Variants in DSG1 observed in about 807,000 individuals in gnomAD.
DSG1 encodes the protein desmoglein-1.
Under a neutral mutation model 97.5 loss-of-function variants are expected in DSG1, and 39 were observed. The observed-to-expected ratio is 0.40, with a 90% CI of 0.31 to 0.52. DSG1 has a LOEUF of 0.52. Among genes scored for constraint, DSG1 ranks in the 20% least tolerant of loss-of-function variants. The probability of loss-of-function intolerance (pLI) is 0.53; values close to 1 mark genes in which losing one functional copy is unlikely to be tolerated. For missense variants in DSG1, 1,311 were observed against 1,295.4 expected, an observed-to-expected ratio of 1.01 and a Z score of -0.18; for synonymous variants, 475 against 443.4, an observed-to-expected ratio of 1.07 and a Z score of -0.90.
At chr18:31,329,524 T>G (rs1271004822) in intron 4 of DSG1, among the ~76,000 whole-genome samples, 1 of 152,124 alleles carries the variant, frequency 6.6e-6, no homozygotes, top group Non-Finnish European at 1.5e-5. Context: ...CATAATGCAT[T>G]TTTTTACGTC....
Position 31,318,266 on chromosome 18 carries a change from T to C in DSG1, c.-35T>C. 6.3e-7 allele frequency: 1 copy of C among 1,590,956 alleles called. No individual in the cohort carries two copies. ...AAGAACAGAGAAGAACAAACAAAAC[T>C]CCCTTGGTCTTGGATGTAAGAGAAT... is the stretch of plus-strand genomic sequence containing the variant. On this transcript the variant is annotated 5_prime_UTR_variant, in exon 1 of 15. Coordinates refer to ENST00000257192, the MANE Select transcript of DSG1 (RefSeq NM_001942.4).
In DSG1 at chr18:31,355,318, A is replaced by C. The variant is rs961320258; in HGVS notation, c.3122A>C (p.Lys1041Thr). Residue 1041 changes from lysine (K) to threonine (T), a missense_variant, in exon 15 of 15, where the codon AAG becomes ACG. Transcript: ENST00000257192. ...AGCACAGCTCGAAGTCGAATCACAAAGTATAGTACCGTGCAATATAGCAAG... is the reference window on the plus strand; with the variant it reads ...AGCACAGCTCGAAGTCGAATCACAACGTATAGTACCGTGCAATATAGCAAG... ...SPSTARSRIT[K>T]YSTVQYSK 30 of 1,614,154 alleles carry C rather than the reference A, an allele frequency of 1.9e-5. No homozygotes were observed. The highest frequency in any genetic ancestry group is 2.5e-5 in the Non-Finnish European group (30 of 1,180,006).
chr18:31,351,067 T>C lies in DSG1; in HGVS notation c.2101-3230T>C, dbSNP rs1178081480. 1.3e-5 allele frequency among the ~76,000 whole-genome samples: 2 copies of C among 149,344 alleles called. 1 individual carries two copies. The highest frequency in any genetic ancestry group is 5.1e-5 in the African/African-American group (2 of 38,846). On this transcript the variant is annotated intron_variant, in intron 14 of 14. Coordinates refer to ENST00000257192, the MANE Select transcript of DSG1 (RefSeq NM_001942.4). ...TTCTTTTAATTGTGATGTTAGGGTG[T>C]CAATTTGGGATCTTTCCTGCTTTCT...
At chr18:31,328,052 A>G in intron 3 of DSG1, 137 bp from the exon 4 acceptor site, 2 of 828,950 alleles carry the variant, frequency 2.4e-6, no homozygotes, top group Non-Finnish European at 3.7e-6. Context: ...ACTCTTATCT[A>G]GGAAAATAAT....
At position 31,346,001 on chromosome 18, in the gene DSG1, A is replaced by C. The variant is rs2144110982; in HGVS notation, c.1903A>C (p.Asn635His). 1 of 1,613,626 alleles carries C rather than the reference A, an allele frequency of 6.2e-7. No individual in the cohort carries two copies. Among genetic ancestry groups the C allele is most frequent in the South Asian group, 1.1e-5 (1 of 91,048 alleles). ...ECIDNSGVYT[N>H]EYGGREMQDL... ...ATCAACACTTTTAGGAGTTTATACA[A>C]ATGAGTATGGTGGCAGAGAAATGCA... The change falls in exon 14 of 15, where the codon AAT becomes CAT. Residue 635 changes from asparagine (N) to histidine (H), a missense_variant. This residue lies in a region of DSG1 where 1,038 missense variants were observed against 964.6 expected (regional missense o/e 1.08). Coordinates refer to ENST00000257192, the MANE Select transcript of DSG1 (RefSeq NM_001942.4).
At chr18:31,332,572 T>G (rs538282020) in intron 6 of DSG1, among the ~76,000 whole-genome samples, 76 of 152,194 alleles carry the variant, frequency 5.0e-4, no homozygotes, top group African/African-American at 1.7e-3. Flanking sequence ...TTTTCATTAT[T>G]TAAAAAAAAT....
At chr18:31,342,021 C>T (rs887067244) in intron 11 of DSG1, among the ~76,000 whole-genome samples, 1 of 151,790 alleles carries the variant, frequency 6.6e-6, no homozygotes, top group African/African-American at 2.4e-5. Flanking sequence ...GTAACCTTTG[C>T]CTCCCAGGTT....
chr18:31,354,213 G>C (rs2071929938), intron 14 of DSG1, 84 bp from the exon 15 acceptor site: 1 of 1,228,516 alleles, frequency 8.1e-7, no homozygotes, highest in African/African-American at 1.5e-5. Flanking sequence ...AAATGCTCTG[G>C]AAGAAAAACT....
chr18:31,355,284 G>A lies in DSG1; in HGVS notation c.3088G>A (p.Ala1030Thr), dbSNP rs201204152. 2.0e-5 allele frequency: 32 copies of A among 1,613,594 alleles called. No individual in the cohort carries two copies. The highest frequency in any genetic ancestry group is 6.6e-5 in the South Asian group (6 of 91,000). ...DHHFNQTIGS[A>T]SPSTARSRIT... ...TCACTTTAACCAAACCATTGGGTCC[G>A]CCTCCCCTAGCACAGCTCGAAGTCG... Residue 1030 changes from alanine to threonine, a missense_variant, in exon 15 of 15, where the codon GCC becomes ACC. Around this residue, in one of 3 missense-constraint regions of DSG1, gnomAD observed 1,038 missense variants for 964.6 expected, o/e 1.08. Coordinates refer to ENST00000257192, the MANE Select transcript of DSG1 (RefSeq NM_001942.4).
At position 31,318,160 on chromosome 18, in the gene DSG1, A is replaced by G; in HGVS notation, c.-141A>G. 1.3e-6 allele frequency: 1 copy of G among 798,964 alleles called. No homozygotes were observed. The highest frequency in any genetic ancestry group is 1.4e-5 in the South Asian group (1 of 72,258). The allele number at this position is 798,964 out of a possible 1,614,324, so 49.5% of individuals were successfully genotyped here. On this transcript the variant is annotated 5_prime_UTR_variant, in exon 1 of 15. Coordinates refer to ENST00000257192, the MANE Select transcript of DSG1 (RefSeq NM_001942.4). ...TTCAGTCCTTCTCCCAGAGGAAGGC[A>G]GAAACACCTCAAAGCCTGCATGTAA...
chr18:31,327,911 G>C (rs2071696275), intron 3 of DSG1, among the ~76,000 whole-genome samples: 2 of 152,136 alleles, frequency 1.3e-5, no homozygotes, highest in Admixed American at 6.6e-5. Flanking sequence ...ATGAAGTCAT[G>C]CATGATGATT....
Position 31,356,007 on chromosome 18 carries a change from A to T in DSG1, c.*661A>T, listed in dbSNP as rs1022248212. The T allele has an allele frequency of 6.5e-6, 1 of 152,838 alleles. No individual in the cohort carries two copies. The highest frequency in any genetic ancestry group is 2.4e-5 in the African/African-American group (1 of 41,444). The allele number at this position is 152,838 out of a possible 1,614,324, so 9.5% of individuals were successfully genotyped here. ...GTAAACTAGCAATGCCTGAGCCTGA[A>T]CCTTAATGTGGGGCCTCAGTTAAAT... On this transcript the variant is annotated 3_prime_UTR_variant, in exon 15 of 15. Transcript: ENST00000257192.
chr18:31,346,297 T>G, intron 14 of DSG1, 99 bp downstream of exon 14: 2 of 979,370 alleles, frequency 2.0e-6, no homozygotes, highest in South Asian at 2.6e-5. Context: ...AGGAGTCTCC[T>G]AACTAGATTC....
At chr18:31,331,075 T>C (rs1598701189) in intron 5 of DSG1, among the ~76,000 whole-genome samples, 1 of 152,072 alleles carries the variant, frequency 6.6e-6, no homozygotes, top group South Asian at 2.1e-4. Context: ...AAACTACTTA[T>C]AAAATTAATG....
rs749506671 is a variant in DSG1, at chr18:31,355,148, G to T, written c.2952G>T (p.Met984Ile). 6.2e-7 allele frequency: 1 copy of T among 1,611,230 alleles called. No individual in the cohort carries two copies. The highest frequency in any genetic ancestry group is 2.2e-5 in the East Asian group (1 of 44,852). ...IGSSGLVGTS[M>I]GAGSGALSGA... ...GCAGTGGCCTGGTTGGCACCAGCATGGGTGCTGGGAGCGGTGCCCTGAGTG... is the reference window on the plus strand; with the variant it reads ...GCAGTGGCCTGGTTGGCACCAGCATTGGTGCTGGGAGCGGTGCCCTGAGTG... Residue 984 changes from methionine (M) to isoleucine (I), a missense_variant, in exon 15 of 15, where the codon ATG becomes ATT. Physicochemically the swap from Met to Ile is conservative, Grantham distance 10. Transcript: ENST00000257192.
At chr18:31,345,621 G>A (rs2071826089) in intron 13 of DSG1, among the ~76,000 whole-genome samples, 1 of 129,658 alleles carries the variant, frequency 7.7e-6, no homozygotes, top group Non-Finnish European at 1.6e-5. Context: ...TGTGCTTCTA[G>A]TTATACACTG....
rs1332325209 is a variant in DSG1, at chr18:31,319,210, A to G, written c.48+862A>G. ...ATTTCACTTTCAGTGAAAATTTGAA[A>G]ATTGTAATCTCTCTCATAGTAAGGT... On this transcript the variant is annotated intron_variant, in intron 1 of 14. Coordinates refer to ENST00000257192, the MANE Select transcript of DSG1 (RefSeq NM_001942.4). Among the ~76,000 whole-genome samples, 5 of 152,302 alleles carry G rather than the reference A, an allele frequency of 3.3e-5. No homozygotes were observed. The East Asian group carries it at 9.6e-4, about 29-fold the overall frequency.
intron 8 of DSG1, among the ~76,000 whole-genome samples, chr18:31,335,791 T>C (rs931077894): frequency 2.8e-4 from 43 of 151,238 alleles, no homozygotes; most frequent in Admixed American, 1.1e-3. Context: ...TACTTTATTA[T>C]TTTATGAAAT....
intron 4 of DSG1, among the ~76,000 whole-genome samples, chr18:31,329,397 C>G (rs1473699259): frequency 6.6e-6 from 1 of 152,026 alleles, no homozygotes; most frequent in Non-Finnish European, 1.5e-5. Context: ...GCCTGTATTC[C>G]TCACACAACT....
Sources: gnomAD v4.1 joint callset for allele counts (sites outside exome capture counted in the v4.1 genomes callset) on GRCh38, gnomAD v4.1.1 for gene constraint, gnomAD v4.1.1 regional missense constraint, MANE v1.5 for transcripts, NCBI Gene and HGNC (gene_info 2026-07-23, HGNC 2026-07-21) for gene names.